Variants in GRIA3 observed in about 807,000 individuals in gnomAD.
GRIA3 encodes glutamate receptor 3.
Under a neutral mutation model 63.0 loss-of-function variants are expected in GRIA3, and 3 were observed. The ratio of observed to expected loss-of-function variants is 0.05; its 90% confidence interval spans 0.02 to 0.12. The LOEUF is 0.12. Among genes scored for constraint, GRIA3 ranks in the 10% least tolerant of loss-of-function variants. The pLI, the probability that GRIA3 is intolerant of heterozygous loss-of-function variation, is 1.00. For synonymous variants in GRIA3, 274 were observed against 257.9 expected (o/e 1.06, Z -0.60); for missense variants, 347 against 700.9 (o/e 0.50, Z 5.70).
rs112881151 is a variant in GRIA3 at position 123,212,755 on chromosome X, T to A, written c.268+26765T>A. ...AAGGAGAAAATGATGGGTAATAATATCAGAAATAATAGCAAATGCTAGGCA... is the reference window on the plus strand; with the variant it reads ...AAGGAGAAAATGATGGGTAATAATAACAGAAATAATAGCAAATGCTAGGCA... On this transcript the variant is annotated intron_variant, in intron 2 of 15. Transcript: ENST00000620443. Among the ~76,000 whole-genome samples, 1,052 of 112,300 alleles carry A rather than the reference T, an allele frequency of 9.4e-3. 15 individuals carry two copies. Among genetic ancestry groups the A allele is most frequent in the African/African-American group, 0.032 (1,000 of 30,896 alleles).
chrX:123,426,789 C>T lies in GRIA3; in HGVS notation c.1878-1152C>T, dbSNP rs900685926. On this transcript the variant is annotated intron_variant, in intron 11 of 15. Coordinates refer to ENST00000620443, the MANE Select transcript of GRIA3 (RefSeq NM_007325.5). Reference sequence around the variant, plus strand: ...AACTTACCCATCTTCTTTCCCATTCCCTACTAACTGAATAAACAGTGGGTG... The same window carrying T: ...AACTTACCCATCTTCTTTCCCATTCTCTACTAACTGAATAAACAGTGGGTG... 3.6e-5 allele frequency among the ~76,000 whole-genome samples: 4 copies of T among 112,336 alleles called. No homozygotes were observed. The East Asian group carries it at 1.1e-3, about 31-fold the overall frequency.
chrX:123,254,001 G>GGT (rs1302475614), intron 3 of GRIA3, among the ~76,000 whole-genome samples: 1 of 111,964 alleles, frequency 8.9e-6, no homozygotes, highest in East Asian at 2.8e-4. Flanking sequence ...AAATGGGACT[G>GGT]GTAGCAATGT....
intron 12 of GRIA3, 93 bp from the exon 13 acceptor site, chrX:123,464,772 G>T: frequency 1.3e-6 from 1 of 782,572 alleles, no homozygotes; most frequent in Admixed American, 2.5e-5. Context: ...TTTTATTACT[G>T]TGGATTGCAA....
intron 2 of GRIA3, among the ~76,000 whole-genome samples, chrX:123,241,480 ATTTTGTTTTG>A (rs1225766610): frequency 9.1e-6 from 1 of 109,677 alleles, no homozygotes; most frequent in Non-Finnish European, 1.9e-5. Context: ...GTTTTGTTTT[ATTTTGTTTTG>A]TTTTATTTTT....
At chrX:123,373,454 G>A (rs5909998) in intron 5 of GRIA3, among the ~76,000 whole-genome samples, 16,934 of 111,123 alleles carry the variant, frequency 0.15, 1,106 homozygotes, top group Non-Finnish European at 0.2. Flanking sequence ...CTTCCACAGC[G>A]GTTGAACTAG....
At chrX:123,463,576 A>AAGGAAGGAAGGG (rs1569440728) in intron 12 of GRIA3, among the ~76,000 whole-genome samples, 1 of 13,736 alleles carries the variant, frequency 7.3e-5, no homozygotes, top group African/African-American at 3.6e-4. Context: ...GGAAGGAAGG[A>AAGGAAGGAAGGG]AGGGAGGGAG....
chrX:123,196,068 G>A (rs1927568771), intron 2 of GRIA3, among the ~76,000 whole-genome samples: 1 of 111,067 alleles, frequency 9.0e-6, no homozygotes, highest in Non-Finnish European at 1.9e-5. Context: ...CATTGGTGGG[G>A]GGAGGCTGTG....
chrX:123,403,785 G>C (rs1473110428), intron 9 of GRIA3, among the ~76,000 whole-genome samples: 1 of 111,462 alleles, frequency 9.0e-6, no homozygotes, highest in East Asian at 2.8e-4. Flanking sequence ...GCCCGCATAG[G>C]ACTGATGCTT....
intron 3 of GRIA3, among the ~76,000 whole-genome samples, chrX:123,292,343 T>C (rs2044661051): frequency 8.9e-6 from 1 of 111,757 alleles, no homozygotes; most frequent in Non-Finnish European, 1.9e-5. Flanking sequence ...AGGTTCCAGC[T>C]ATGGACACCA....
intron 14 of GRIA3, among the ~76,000 whole-genome samples, chrX:123,480,951 TC>T (rs1288503401): frequency 9.0e-6 from 1 of 111,705 alleles, no homozygotes; most frequent in Non-Finnish European, 1.9e-5. Context: ...TTTTTGCCTT[TC>T]CTTTTTTTGG....
At chrX:123,476,236 C>T (rs903560473) in intron 13 of GRIA3, among the ~76,000 whole-genome samples, 2 of 111,634 alleles carry the variant, frequency 1.8e-5, no homozygotes, top group African/African-American at 6.5e-5. Flanking sequence ...AATAATAAGG[C>T]AAGGTAGAAG....
At chrX:123,230,302 C>T (rs1569403687) in intron 2 of GRIA3, among the ~76,000 whole-genome samples, 2 of 112,073 alleles carry the variant, frequency 1.8e-5, no homozygotes, top group Non-Finnish European at 3.8e-5. Context: ...CTAATTCACC[C>T]TTAAAGTCCT....
chrX:123,204,140 G>A (rs1006122024), intron 2 of GRIA3, among the ~76,000 whole-genome samples: 10 of 112,015 alleles, frequency 8.9e-5, no homozygotes, highest in Non-Finnish European at 1.7e-4. Flanking sequence ...CTATAATGGC[G>A]TATTTGCAAT....
At chrX:123,246,590 A>T (rs1040809775) in intron 2 of GRIA3, among the ~76,000 whole-genome samples, 1 of 111,464 alleles carries the variant, frequency 9.0e-6, no homozygotes, top group Non-Finnish European at 1.9e-5. Context: ...CACCCAGATA[A>T]TCCAGGATAT....
chrX:123,320,220 T>G (rs2044859056), intron 3 of GRIA3, among the ~76,000 whole-genome samples: 1 of 111,925 alleles, frequency 8.9e-6, no homozygotes, highest in Non-Finnish European at 1.9e-5. Flanking sequence ...ATCTACAAGC[T>G]GTTCATTTGT....
At chrX:123,293,671 C>T (rs775086212) in intron 3 of GRIA3, among the ~76,000 whole-genome samples, 50 of 109,916 alleles carry the variant, frequency 4.5e-4, no homozygotes, top group Admixed American at 9.8e-4. Flanking sequence ...AGAAGCAAAA[C>T]GGAGAATGGC....
intron 3 of GRIA3, among the ~76,000 whole-genome samples, chrX:123,311,950 G>A (rs777028540): frequency 8.9e-6 from 1 of 112,240 alleles, no homozygotes; most frequent in Non-Finnish European, 1.9e-5. Context: ...GACTAGTTAA[G>A]TGTTTTTCTT....
intron 12 of GRIA3, among the ~76,000 whole-genome samples, chrX:123,434,503 C>T (rs2045634863): frequency 8.9e-6 from 1 of 111,768 alleles, no homozygotes; most frequent in African/African-American, 3.3e-5. Flanking sequence ...GTACATACTA[C>T]TTGGCAGTTT....
chrX:123,340,812 C>T (rs893330526), intron 4 of GRIA3, among the ~76,000 whole-genome samples: 20 of 111,882 alleles, frequency 1.8e-4, no homozygotes, highest in African/African-American at 6.5e-4. Context: ...GTAGAAATGA[C>T]TATTCACCCT....
Sources: allele counts gnomAD v4.1 joint callset (sites outside exome capture counted in the v4.1 genomes callset), GRCh38; gene constraint gnomAD v4.1.1; transcripts MANE v1.5; gene names NCBI Gene and HGNC (gene_info 2026-07-23, HGNC 2026-07-21).